Variants in CCDC149 observed in about 807,000 individuals in gnomAD.
The protein encoded by CCDC149 is coiled-coil domain containing 149.
Under a neutral mutation model 59.9 loss-of-function variants are expected in CCDC149, and 45 were observed. The observed-to-expected ratio is 0.75, with a 90% CI of 0.59 to 0.96. CCDC149 has a LOEUF of 0.96. CCDC149 is among the 40% of genes least tolerant of loss of function. The pLI is 0.00. For missense variants in CCDC149, 584 were observed against 664.7 expected, an observed-to-expected ratio of 0.88 and a Z score of 1.33; for synonymous variants, 245 against 260.6, an observed-to-expected ratio of 0.94 and a Z score of 0.58.
chr4:24,889,701 A>G (rs911204813), intron 1 of CCDC149, among the ~76,000 whole-genome samples: 1 of 152,254 alleles, frequency 6.6e-6, no homozygotes, highest in Admixed American at 6.5e-5. Flanking sequence ...TAATAATTCA[A>G]TTCGGTTGCA....
rs1714327690 is a variant in CCDC149 at position 24,808,160 on chromosome 4, T to C, written c.*229A>G. 5 of 377,530 alleles carry C rather than the reference T, an allele frequency of 1.3e-5. No homozygotes were observed. The highest frequency in any genetic ancestry group is 2.3e-5 in the Non-Finnish European group (5 of 212,920). The allele number at this position is 377,530 out of a possible 1,614,324, so 23.4% of individuals were successfully genotyped here. ...CCTGGCCCTGTTCACAGTAGCACTC[T>C]CTGGCAGAAAAGAGATGACACTGAG... On this transcript the variant is annotated 3_prime_UTR_variant, in exon 13 of 13. Coordinates refer to ENST00000635206, the MANE Select transcript of CCDC149 (RefSeq NM_001330643.2).
At position 24,806,781 on chromosome 4, in the gene CCDC149, A is replaced by G. The variant is rs1714208975; in HGVS notation, c.*1608T>C. On this transcript the variant is annotated 3_prime_UTR_variant, in exon 13 of 13. Transcript: ENST00000635206. ...GGGTCAATGGGATGTCCTTCTCACCAGAAGCAACAGAACGCCGACTCCAGC... is the reference window on the plus strand; with the variant it reads ...GGGTCAATGGGATGTCCTTCTCACCGGAAGCAACAGAACGCCGACTCCAGC... 6.5e-6 allele frequency: 1 copy of G among 153,442 alleles called. No individual in the cohort carries two copies. Among genetic ancestry groups the G allele is most frequent in the Non-Finnish European group, 1.5e-5 (1 of 68,110 alleles). The allele number at this position is 153,442 out of a possible 1,614,324, so 9.5% of individuals were successfully genotyped here.
At chr4:24,927,675 A>G (rs1328296898) in intron 1 of CCDC149, among the ~76,000 whole-genome samples, 1 of 152,202 alleles carries the variant, frequency 6.6e-6, no homozygotes, top group African/African-American at 2.4e-5. Flanking sequence ...TTGGCTAAGC[A>G]GTCAAATGCC....
chr4:24,896,214 G>A (rs904762634), intron 1 of CCDC149, among the ~76,000 whole-genome samples: 1 of 152,132 alleles, frequency 6.6e-6, no homozygotes, highest in African/African-American at 2.4e-5. Flanking sequence ...TTTATATAAT[G>A]AGGTCATTAC....
At chr4:24,917,820 T>TG (rs1023103082), upstream of CCDC149, among the ~76,000 whole-genome samples, 3 of 151,906 alleles carry the variant, frequency 2.0e-5, no homozygotes, top group African/African-American at 4.8e-5. Flanking sequence ...TTCTTCTGCG[T>TG]GGGGGGGATA....
At chr4:24,856,594 C>T (rs1435782815) in intron 3 of CCDC149, among the ~76,000 whole-genome samples, 2 of 152,188 alleles carry the variant, frequency 1.3e-5, no homozygotes, top group East Asian at 1.9e-4. Context: ...CCCTCTCTCC[C>T]TCACCCCATC....
rs981956560 is a variant in CCDC149 at position 24,935,425 on chromosome 4, C to T, written c.-64-40307G>A. Among the ~76,000 whole-genome samples, 10 of 152,104 alleles carry T rather than the reference C, an allele frequency of 6.6e-5. No homozygotes were observed. The East Asian group carries it at 7.7e-4, about 12-fold the overall frequency. ...GAGATTTTAGTTCGGCAGTATACTG[C>T]GATCTGAATGCTTGTGTCTCCCTTA... On this transcript the variant is annotated intron_variant, in intron 1 of 12. Coordinates refer to the CCDC149 transcript ENST00000389609.
intron 1 of CCDC149, among the ~76,000 whole-genome samples, chr4:24,931,331 A>ATCTC (rs1553862451): frequency 6.8e-6 from 1 of 147,524 alleles, no homozygotes; most frequent in African/African-American, 2.5e-5. Flanking sequence ...ATATATATAT[A>ATCTC]TCTCAGTACA....
At chr4:24,821,408 A>G (rs1033857776) in intron 10 of CCDC149, among the ~76,000 whole-genome samples, 3 of 152,250 alleles carry the variant, frequency 2.0e-5, no homozygotes, top group East Asian at 1.9e-4. Flanking sequence ...AACAGCATCA[A>G]AAGATTCTTG....
chr4:24,883,891 T>C (rs1719997752), intron 1 of CCDC149, among the ~76,000 whole-genome samples: 2 of 152,182 alleles, frequency 1.3e-5, no homozygotes, highest in Admixed American at 6.5e-5. Context: ...AACTAACAAC[T>C]GTCAGCTCAA....
intron 1 of CCDC149, among the ~76,000 whole-genome samples, chr4:24,911,357 AG>A: frequency 6.6e-6 from 1 of 152,146 alleles, no homozygotes; most frequent in African/African-American, 2.4e-5. Flanking sequence ...GAGTTCTTTG[AG>A]GGTAGGGGAG....
intron 1 of CCDC149, among the ~76,000 whole-genome samples, chr4:24,907,216 T>C (rs920504041): frequency 3.9e-5 from 6 of 152,216 alleles, no homozygotes; most frequent in Admixed American, 2.0e-4. Context: ...AGCATTATTA[T>C]TTCATTTGAT....
In CCDC149 at chr4:24,808,740, G is replaced by A. The variant is rs748168744; in HGVS notation, c.1272C>T (p.Pro424=). The A allele has an allele frequency of 6.4e-6, 10 of 1,551,968 alleles. No individual in the cohort carries two copies. The highest frequency in any genetic ancestry group is 4.8e-5 in the South Asian group (4 of 84,042). Residue 424 remains proline, a synonymous_variant, in exon 13 of 13, where the codon CCC becomes CCT. Coordinates refer to ENST00000635206, the MANE Select transcript of CCDC149 (RefSeq NM_001330643.2). ...TCTGATTTGCTGGGGAGTTGACAGC[G>A]GGCCTCCCAGCATCCTCAGGCGCTG...
chr4:24,873,273 T>C (rs1577434887), intron 3 of CCDC149, among the ~76,000 whole-genome samples: 1 of 152,004 alleles, frequency 6.6e-6, no homozygotes, highest in Non-Finnish European at 1.5e-5. Context: ...CCAAGTGGTA[T>C]GTGTCCACTG....
At chr4:24,923,353 A>G (rs926628736) in intron 1 of CCDC149, among the ~76,000 whole-genome samples, 17 of 152,246 alleles carry the variant, frequency 1.1e-4, no homozygotes, top group African/African-American at 3.9e-4. Flanking sequence ...CTGTTTAAGT[A>G]CTAGGACTAG....
chr4:24,911,819 G>A (rs1173473666), intron 1 of CCDC149, among the ~76,000 whole-genome samples: 3 of 152,228 alleles, frequency 2.0e-5, no homozygotes, highest in African/African-American at 7.2e-5. Flanking sequence ...TGAGGGAGTA[G>A]AGGGTTTCCC....
chr4:24,852,284 CCATACACACACACACA>C (rs909026891), intron 4 of CCDC149, among the ~76,000 whole-genome samples: 1 of 109,276 alleles, frequency 9.2e-6, no homozygotes, highest in African/African-American at 3.3e-5. Flanking sequence ...CTCCAACACA[CCATACACACACACACA>C]CACACACACA....
intron 1 of CCDC149, among the ~76,000 whole-genome samples, chr4:24,886,007 C>G (rs1459870994): frequency 1.3e-5 from 2 of 152,054 alleles, no homozygotes; most frequent in Non-Finnish European, 2.9e-5. Context: ...ATCTATATGG[C>G]CACTATGAAA....
At chr4:24,884,974 G>A (rs1027875605) in intron 1 of CCDC149, among the ~76,000 whole-genome samples, 3 of 152,176 alleles carry the variant, frequency 2.0e-5, no homozygotes, top group African/African-American at 7.2e-5. Context: ...GCTGTGACAA[G>A]TGGCAGTGAC....
Sources: allele counts gnomAD v4.1 joint callset (sites outside exome capture counted in the v4.1 genomes callset), GRCh38; gene constraint gnomAD v4.1.1; transcripts MANE v1.5; gene names NCBI Gene and HGNC (gene_info 2026-07-23, HGNC 2026-07-21).